The following NTNG1 variants were observed in gnomAD, a reference collection of about 807,000 sequenced individuals.
The protein encoded by NTNG1 is netrin-G1.
In NTNG1, 16 loss-of-function variants were observed where a neutral mutation model predicts 54.0. That is an observed-to-expected ratio of 0.30 (90% CI 0.20 to 0.45). The LOEUF (loss-of-function observed/expected upper bound fraction) is 0.45, where lower values mean the gene tolerates loss of function less well. NTNG1 is among the 20% of genes least tolerant of loss of function. NTNG1 has a pLI of 1.00. For missense variants in NTNG1, 530 were observed against 678.7 expected (o/e 0.78, Z 2.43); for synonymous variants, 255 against 263.1 (o/e 0.97, Z 0.30).
intron 3 of NTNG1, among the ~76,000 whole-genome samples, chr1:107,362,825 C>G (rs1288011528): frequency 1.3e-5 from 2 of 152,148 alleles, no homozygotes; most frequent in African/African-American, 2.4e-5. Context: ...ATTTCAAGAC[C>G]TTTCAGATTT....
At chr1:107,470,704 T>C (rs1312360306) in intron 7 of NTNG1, among the ~76,000 whole-genome samples, 1 of 152,228 alleles carries the variant, frequency 6.6e-6, no homozygotes, top group African/African-American at 2.4e-5. Flanking sequence ...CTTATTAAAC[T>C]AGACAAGTGC....
intron 3 of NTNG1, among the ~76,000 whole-genome samples, chr1:107,327,662 A>G (rs1019669137): frequency 1.3e-5 from 2 of 151,750 alleles, no homozygotes; most frequent in African/African-American, 4.8e-5. Context: ...ACATGTCTAT[A>G]TCTGATCATG....
chr1:107,259,884 G>T (rs1266332934), intron 2 of NTNG1, among the ~76,000 whole-genome samples: 3 of 152,066 alleles, frequency 2.0e-5, no homozygotes, highest in African/African-American at 7.2e-5. Flanking sequence ...GTCATAAATA[G>T]ATTTCAGCAT....
At chr1:107,401,005 G>GCACC (rs1268686076) in intron 4 of NTNG1, among the ~76,000 whole-genome samples, 3 of 152,122 alleles carry the variant, frequency 2.0e-5, no homozygotes, top group Non-Finnish European at 2.9e-5. Context: ...CCTGTAATGT[G>GCACC]CACGTGGCTA....
At chr1:107,151,398 G>A (rs1382409001) in intron 2 of NTNG1, among the ~76,000 whole-genome samples, 1 of 152,144 alleles carries the variant, frequency 6.6e-6, no homozygotes, top group Non-Finnish European at 1.5e-5. Flanking sequence ...AGTCATTTGT[G>A]TTATGACTTA....
At position 107,483,930 on chromosome 1, in the gene NTNG1, A is replaced by G. The variant is rs899544802; in HGVS notation, c.*3090A>G. ...CTGACCCTGTACACAGCCTAGGGGA[A>G]GAATTTAGTCCAGCAAAGAGGGGAC... On this transcript the variant is annotated 3_prime_UTR_variant, in exon 8 of 8. Transcript: ENST00000370068. Among the ~76,000 whole-genome samples, 2 of 152,200 alleles carry G rather than the reference A, an allele frequency of 1.3e-5. No individual in the cohort carries two copies. Among genetic ancestry groups the G allele is most frequent in the Non-Finnish European group, 2.9e-5 (2 of 68,040 alleles).
At chr1:107,190,203 GT>G (rs1022877231) in intron 2 of NTNG1, among the ~76,000 whole-genome samples, 41 of 152,192 alleles carry the variant, frequency 2.7e-4, no homozygotes, top group African/African-American at 9.6e-4. Flanking sequence ...CAGAGTTTCA[GT>G]TTGGGAAAAT....
chr1:107,342,759 T>C (rs1395327660), intron 3 of NTNG1, among the ~76,000 whole-genome samples: 1 of 152,112 alleles, frequency 6.6e-6, no homozygotes, highest in Non-Finnish European at 1.5e-5. Context: ...AACAACCCCA[T>C]TGGCTACTTC....
chr1:107,214,461 A>C (rs1194480845), intron 2 of NTNG1, among the ~76,000 whole-genome samples: 1 of 152,106 alleles, frequency 6.6e-6, no homozygotes, highest in Non-Finnish European at 1.5e-5. Flanking sequence ...ATTCCTTTTT[A>C]TGGCTGAGTA....
intron 2 of NTNG1, among the ~76,000 whole-genome samples, chr1:107,206,113 G>GAAAT (rs1659169965): frequency 6.6e-6 from 1 of 152,022 alleles, no homozygotes; most frequent in South Asian, 2.1e-4. Context: ...TCTATTAGGT[G>GAAAT]TATACCTTGG....
chr1:107,415,108 C>G (rs1557980662), intron 5 of NTNG1, among the ~76,000 whole-genome samples: 1 of 152,042 alleles, frequency 6.6e-6, no homozygotes, highest in Non-Finnish European at 1.5e-5. Context: ...TCAGGGAGAT[C>G]CTCAAGACAA....
intron 2 of NTNG1, among the ~76,000 whole-genome samples, chr1:107,232,300 T>C (rs1254903524): frequency 6.6e-6 from 1 of 152,198 alleles, no homozygotes; most frequent in African/African-American, 2.4e-5. Context: ...AAAGTATTGG[T>C]TATACCCCAC....
chr1:107,441,782 T>C (rs1389109557), intron 7 of NTNG1, among the ~76,000 whole-genome samples: 4 of 152,058 alleles, frequency 2.6e-5, no homozygotes, highest in South Asian at 2.1e-4. Flanking sequence ...ATGTCAGAGA[T>C]AAATATGCAG....
intron 7 of NTNG1, among the ~76,000 whole-genome samples, chr1:107,476,337 T>C (rs1429871506): frequency 6.6e-6 from 1 of 152,142 alleles, no homozygotes; most frequent in African/African-American, 2.4e-5. Context: ...CTTCTACTCT[T>C]TTTGATTCAT....
At chr1:107,304,018 G>GAAA (rs113866125) in intron 2 of NTNG1, among the ~76,000 whole-genome samples, 3 of 139,998 alleles carry the variant, frequency 2.1e-5, no homozygotes, top group African/African-American at 5.2e-5. Flanking sequence ...CCTCTTTTCA[G>GAAA]AAAAAAAAAA....
intron 3 of NTNG1, among the ~76,000 whole-genome samples, chr1:107,330,496 T>C (rs1193635831): frequency 6.6e-6 from 1 of 152,116 alleles, no homozygotes; most frequent in Non-Finnish European, 1.5e-5. Context: ...TGGTCTCAGA[T>C]TTGCTTACAA....
At chr1:107,328,437 G>A (rs1668088106) in intron 3 of NTNG1, among the ~76,000 whole-genome samples, 1 of 152,086 alleles carries the variant, frequency 6.6e-6, no homozygotes, top group Admixed American at 6.6e-5. Flanking sequence ...TTAATTAACT[G>A]CTGAAGCAAG....
chr1:107,401,409 G>A (rs554187310), intron 4 of NTNG1, among the ~76,000 whole-genome samples: 1 of 152,146 alleles, frequency 6.6e-6, no homozygotes, highest in African/African-American at 2.4e-5. Context: ...TCCCTCATCT[G>A]ACCAGATATG....
At chr1:107,330,084 T>C (rs1163066247) in intron 3 of NTNG1, among the ~76,000 whole-genome samples, 2 of 152,012 alleles carry the variant, frequency 1.3e-5, no homozygotes, top group Non-Finnish European at 2.9e-5. Context: ...CAGGAAAGAA[T>C]GGATATCCTA....
Sources: allele counts gnomAD v4.1 joint callset (sites outside exome capture counted in the v4.1 genomes callset), GRCh38; gene constraint gnomAD v4.1.1; transcripts MANE v1.5; gene names NCBI Gene and HGNC (gene_info 2026-07-23, HGNC 2026-07-21).